PTPRQ: variants seen among roughly 807,000 people sequenced by gnomAD.
PTPRQ encodes the protein phosphatidylinositol phosphatase PTPRQ.
A neutral mutation model predicts 246.0 loss-of-function variants in PTPRQ; 199 were observed. The ratio of observed to expected loss-of-function variants is 0.81; its 90% CI spans 0.72 to 0.91. PTPRQ has a LOEUF of 0.91. PTPRQ is among the 40% of genes least tolerant of loss of function. PTPRQ has a pLI of 0.00. For missense variants in PTPRQ, 2,624 were observed against 2,528.4 expected, an observed-to-expected ratio of 1.04 and a Z score of -0.81; for synonymous variants, 869 against 853.2, an observed-to-expected ratio of 1.02 and a Z score of -0.32.
chr12:80,510,338 C>G lies in PTPRQ; in HGVS notation c.2573C>G (p.Pro858Arg), dbSNP rs1335950364. 2 of 1,548,178 alleles carry G rather than the reference C, an allele frequency of 1.3e-6. No homozygotes were observed. Among genetic ancestry groups the G allele is most frequent in the East Asian group, 4.9e-5 (2 of 40,766 alleles). The change falls in exon 17 of 45, where the codon CCT becomes CGT. Residue 858 changes from proline (P) to arginine (R), a missense_variant. Transcript: ENST00000644991. Reference protein sequence around the residue: ...LTEEDAPDSPPQDFSVKQLSG... With the variant: ...LTEEDAPDSPRQDFSVKQLSG... ...AACTTTACAGCTCCTGATTCTCCCC[C>G]TCAAGACTTCTCTGTAAAACAGTTG...
intron 19 of PTPRQ, among the ~76,000 whole-genome samples, 189 bp downstream of exon 19, chr12:80,535,226 GACACACACAC>G (rs5799482): frequency 6.6e-6 from 1 of 151,206 alleles, no homozygotes; most frequent in Non-Finnish European, 1.5e-5. Context: ...TCTCTTTACA[GACACACACAC>G]ACACACACAC....
chr12:80,635,523 A>C (rs1199568484), intron 35 of PTPRQ, among the ~76,000 whole-genome samples: 1 of 152,084 alleles, frequency 6.6e-6, no homozygotes, highest in Non-Finnish European at 1.5e-5. Flanking sequence ...AAGTACATAA[A>C]AGTCTAAGTT....
Position 80,539,914 on chromosome 12 carries a change from GACATCATTGAAGTATAC to G in PTPRQ, c.3128_3144del (p.Ile1043ArgfsTer6). 1 of 1,548,304 alleles carries G rather than the reference GACATCATTGAAGTATAC, an allele frequency of 6.5e-7. No homozygotes were observed. The highest frequency in any genetic ancestry group is 8.7e-7 in the Non-Finnish European group (1 of 1,145,336). The stretch of plus-strand genomic sequence containing the variant: ...AGTTGGAAATGGGAATAAAAGCAGT[GACATCATTGAAGTATAC>G]ACAGATCAAGACAGTATGTAAACAA... On this transcript the variant is annotated frameshift_variant, in exon 20 of 45. Transcript: ENST00000644991. LOFTEE classifies it high-confidence loss of function.
intron 23 of PTPRQ, 33 bp from the exon 24 acceptor site, chr12:80,546,523 G>T: frequency 6.5e-7 from 1 of 1,528,940 alleles, no homozygotes; most frequent in Non-Finnish European, 8.8e-7. Flanking sequence ...TTTTGACAGT[G>T]CATTAACTAA....
rs146726954 is a variant in PTPRQ, at chr12:80,655,963, G to A, written c.6116-2022G>A. On this transcript the variant is annotated intron_variant, in intron 38 of 44. Coordinates refer to ENST00000644991, the MANE Select transcript of PTPRQ (RefSeq NM_001145026.2). ...TTGCAGAAGAGATTTCCAAATCTCCGTTTGACAGACGACCTATGACCTTCA... is the reference window on the plus strand; with the variant it reads ...TTGCAGAAGAGATTTCCAAATCTCCATTTGACAGACGACCTATGACCTTCA... 3.9e-5 allele frequency among the ~76,000 whole-genome samples: 6 copies of A among 152,218 alleles called. No individual in the cohort carries two copies. In the East Asian group the frequency reaches 7.7e-4, roughly 20 times the overall value.
intron 25 of PTPRQ, among the ~76,000 whole-genome samples, chr12:80,571,109 ATTC>A (rs767424326): frequency 7.9e-5 from 12 of 152,068 alleles, no homozygotes; most frequent in Non-Finnish European, 1.3e-4. Flanking sequence ...TTTTTTTCTA[ATTC>A]TGTGAAGAAA....
At chr12:80,468,670 T>C in intron 6 of PTPRQ, 40 bp from the exon 7 acceptor site, 1 of 1,469,422 alleles carries the variant, frequency 6.8e-7, no homozygotes, top group Non-Finnish European at 9.0e-7. Flanking sequence ...GCTTTCATTT[T>C]AAATATATGT....
chr12:80,486,249 T>C (rs182789950), intron 9 of PTPRQ, among the ~76,000 whole-genome samples: 4 of 152,308 alleles, frequency 2.6e-5, no homozygotes, highest in African/African-American at 7.2e-5. Flanking sequence ...ATTGTGATCA[T>C]TAATCTTGGC....
rs1282519379 is a variant in PTPRQ at position 80,457,657 on chromosome 12, T to C, written c.460+13T>C. On this transcript the variant is annotated intron_variant, in intron 4 of 44. Coordinates refer to ENST00000644991, the MANE Select transcript of PTPRQ (RefSeq NM_001145026.2). ...ACTGCAGAAAGTGGTAATTTTCCTG[T>C]CATTTATTTTAAATTGACTTAGTCA... 2.5e-6 allele frequency: 1 copy of C among 400,112 alleles called. No individual in the cohort carries two copies. The highest frequency in any genetic ancestry group is 2.1e-5 in the African/African-American group (1 of 48,702). 24.8% of individuals were successfully genotyped at this position (400,112 alleles called of 1,614,324 possible).
intron 23 of PTPRQ, among the ~76,000 whole-genome samples, chr12:80,544,710 C>G (rs1325188123): frequency 3.3e-5 from 5 of 152,026 alleles, no homozygotes; most frequent in Non-Finnish European, 7.4e-5. Context: ...TTCGCTTTCT[C>G]TCCTAGTGTG....
intron 25 of PTPRQ, among the ~76,000 whole-genome samples, chr12:80,574,692 T>C (rs1320072951): frequency 6.6e-6 from 1 of 152,184 alleles, no homozygotes; most frequent in East Asian, 1.9e-4. Context: ...AGTATTCCCA[T>C]GTACTTCCCT....
chr12:80,671,040 G>A (rs1466905353), intron 42 of PTPRQ, among the ~76,000 whole-genome samples: 1 of 151,844 alleles, frequency 6.6e-6, no homozygotes, highest in Non-Finnish European at 1.5e-5. Context: ...TAACAGGAGT[G>A]TACTATAATT....
chr12:80,507,865 G>C (rs1343501833), intron 16 of PTPRQ, among the ~76,000 whole-genome samples: 5 of 151,964 alleles, frequency 3.3e-5, no homozygotes, highest in Admixed American at 2.6e-4. Context: ...AGGGAAGAAA[G>C]TTAGTGCTCT....
intron 26 of PTPRQ, among the ~76,000 whole-genome samples, chr12:80,590,666 CAA>C (rs35640802): frequency 4.1e-3 from 239 of 57,818 alleles, no homozygotes; most frequent in Middle Eastern, 0.01. Flanking sequence ...GACTCCGTCT[CAA>C]AAAAAAAAAA....
intron 17 of PTPRQ, among the ~76,000 whole-genome samples, chr12:80,527,095 A>G (rs948588037): frequency 3.9e-5 from 6 of 152,112 alleles, no homozygotes; most frequent in African/African-American, 1.4e-4. Flanking sequence ...TCTACAACAC[A>G]TGGCAAACTT....
intron 3 of PTPRQ, chr12:80,454,453 T>A: frequency 1.6e-6 from 1 of 631,140 alleles, no homozygotes. Flanking sequence ...AATGGATGCC[T>A]TTTATTTCTT....
chr12:80,468,866 C>G, intron 7 of PTPRQ, 28 bp downstream of exon 7: 3 of 1,535,698 alleles, frequency 2.0e-6, no homozygotes, highest in Non-Finnish European at 2.6e-6. Flanking sequence ...TTGTGTTTGC[C>G]TTTTGGAGTG....
At chr12:80,522,514 C>G (rs1470937773) in intron 17 of PTPRQ, among the ~76,000 whole-genome samples, 1 of 151,940 alleles carries the variant, frequency 6.6e-6, no homozygotes. Context: ...ATAGATAGCT[C>G]TTATTATTTT....
intron 14 of PTPRQ, among the ~76,000 whole-genome samples, chr12:80,503,197 A>T (rs1894856119): frequency 6.6e-6 from 1 of 151,898 alleles, no homozygotes; most frequent in African/African-American, 2.4e-5. Flanking sequence ...AGTATTTCTC[A>T]GCAGGTCCAA....
Sources: allele counts gnomAD v4.1 joint callset (sites outside exome capture counted in the v4.1 genomes callset), GRCh38; gene constraint gnomAD v4.1.1; transcripts MANE v1.5; gene names NCBI Gene and HGNC (gene_info 2026-07-23, HGNC 2026-07-21).